Variants in CLIP2 observed in about 807,000 individuals in gnomAD.
CLIP2 encodes the protein CAP-Gly domain containing linker protein 2.
CLIP2 carries 41 observed loss-of-function variants against 111.7 expected under a neutral mutation model. The observed-to-expected ratio is 0.37, with a 90% CI of 0.29 to 0.48. CLIP2 has a LOEUF of 0.48. CLIP2 is among the 20% of genes least tolerant of loss of function. The probability of loss-of-function intolerance (pLI) is 0.99; values close to 1 mark genes in which losing one functional copy is unlikely to be tolerated. For missense variants in CLIP2, 1,160 were observed against 1,422.1 expected (o/e 0.82, Z 2.96); for synonymous variants, 660 against 644.2 (o/e 1.02, Z -0.37).
intron 8 of CLIP2, among the ~76,000 whole-genome samples, chr7:74,367,950 T>C (rs782809597): frequency 3.9e-5 from 6 of 152,046 alleles, no homozygotes; most frequent in Non-Finnish European, 7.4e-5. Context: ...TGGTGGCACA[T>C]GCTTGTAATC....
chr7:74,388,063 C>T (rs1045483197), intron 12 of CLIP2, among the ~76,000 whole-genome samples: 8 of 152,000 alleles, frequency 5.3e-5, no homozygotes, highest in Non-Finnish European at 1.5e-5. Context: ...GGCATGGTGG[C>T]TCATGCCTGT....
At chr7:74,301,704 T>G (rs1487323661) in intron 1 of CLIP2, among the ~76,000 whole-genome samples, 1 of 102,060 alleles carries the variant, frequency 9.8e-6, no homozygotes, top group Non-Finnish European at 2.6e-5. Flanking sequence ...GTTTTTTGTT[T>G]GTTTGTTTTG....
chr7:74,385,122 CAAAAAAA>C (rs71094780), intron 11 of CLIP2, among the ~76,000 whole-genome samples: 29 of 51,604 alleles, frequency 5.6e-4, no homozygotes, highest in East Asian at 1.4e-3. Context: ...ATTAAAAATA[CAAAAAAA>C]AAAAAAAAAA....
intron 3 of CLIP2, among the ~76,000 whole-genome samples, chr7:74,345,911 T>C (rs1450114694): frequency 1.3e-5 from 2 of 152,144 alleles, no homozygotes; most frequent in African/African-American, 4.8e-5. Context: ...ATAAACATGG[T>C]AAATAAACAT....
rs575557407 is a variant in CLIP2 at position 74,362,016 on chromosome 7, G to T, written c.1319+1738G>T. Among the ~76,000 whole-genome samples, 4 of 151,598 alleles carry T rather than the reference G, an allele frequency of 2.6e-5. No individual in the cohort carries two copies. In the South Asian group the frequency reaches 8.3e-4, roughly 32 times the overall value. On this transcript the variant is annotated intron_variant, in intron 7 of 16. Coordinates refer to ENST00000223398, the MANE Select transcript of CLIP2 (RefSeq NM_003388.5). ...CTCGGGAGGCTGAGGCAGGAGAATC[G>T]CTTGAACCCAGGAGGTGGAGGTTGC...
intron 1 of CLIP2, among the ~76,000 whole-genome samples, chr7:74,297,801 C>T (rs1304054876): frequency 2.6e-5 from 4 of 151,026 alleles, no homozygotes; most frequent in Non-Finnish European, 3.0e-5. Flanking sequence ...ACGAGAGTAG[C>T]GGAGGAGGGC....
At chr7:74,352,634 G>A (rs549725107) in intron 3 of CLIP2, among the ~76,000 whole-genome samples, 18 of 151,428 alleles carry the variant, frequency 1.2e-4, no homozygotes, top group African/African-American at 3.9e-4. Context: ...TTAGCTGGGC[G>A]TGGTGGCGCG....
intron 1 of CLIP2, among the ~76,000 whole-genome samples, chr7:74,305,427 A>G (rs1350696244): frequency 6.6e-6 from 1 of 152,002 alleles, no homozygotes. Context: ...TCTCTGCTGC[A>G]GCCCCTACCT....
rs185137381 is a variant in CLIP2, at chr7:74,352,229, G to C, written c.679-1651G>C. Among the ~76,000 whole-genome samples, 311 of 152,208 alleles carry C rather than the reference G, an allele frequency of 2.0e-3. 1 individual carries two copies. Among genetic ancestry groups the C allele is most frequent in the Non-Finnish European group, 3.4e-3 (232 of 68,006 alleles). On this transcript the variant is annotated intron_variant, in intron 3 of 16. Transcript: ENST00000223398. Reference sequence around the variant, plus strand: ...GCAGGTGAATCACTTGAGGTCAGGAGTTCGAGACCAGCCTGGCCAACATGG... The same window carrying C: ...GCAGGTGAATCACTTGAGGTCAGGACTTCGAGACCAGCCTGGCCAACATGG...
chr7:74,308,985 A>T (rs562561651), intron 1 of CLIP2, among the ~76,000 whole-genome samples: 2 of 152,084 alleles, frequency 1.3e-5, no homozygotes, highest in Non-Finnish European at 2.9e-5. Context: ...CTCTCACCTT[A>T]GCCTCCCCAG....
intron 2 of CLIP2, among the ~76,000 whole-genome samples, chr7:74,334,837 A>AT (rs1789403748): frequency 6.7e-6 from 1 of 149,984 alleles, no homozygotes; most frequent in Non-Finnish European, 1.5e-5. Context: ...AAAAAAAAAA[A>AT]AATAGCCTGG....
chr7:74,347,836 C>T (rs1789847116), intron 3 of CLIP2, among the ~76,000 whole-genome samples: 1 of 152,122 alleles, frequency 6.6e-6, no homozygotes, highest in South Asian at 2.1e-4. Flanking sequence ...TAAGAAACTG[C>T]ACAGAAGTGT....
chr7:74,351,082 AG>A (rs59697449), intron 3 of CLIP2, among the ~76,000 whole-genome samples: 89,087 of 146,484 alleles, frequency 0.61, 28,796 homozygotes, highest in Middle Eastern at 0.73. Context: ...AAAGAAAGAA[AG>A]AAAAAGAAGG....
At chr7:74,299,421 T>C (rs1788261631) in intron 1 of CLIP2, among the ~76,000 whole-genome samples, 1 of 152,206 alleles carries the variant, frequency 6.6e-6, no homozygotes, top group Non-Finnish European at 1.5e-5. Context: ...GCCACCAAGT[T>C]CTGTTCCTCC....
At chr7:74,354,333 G>C (rs752876518) in intron 4 of CLIP2, among the ~76,000 whole-genome samples, 1 of 152,140 alleles carries the variant, frequency 6.6e-6, no homozygotes. Flanking sequence ...GGAGAGGGAG[G>C]CTGCGTGCAG....
At chr7:74,329,205 C>T (rs1480429515) in intron 2 of CLIP2, among the ~76,000 whole-genome samples, 1 of 150,218 alleles carries the variant, frequency 6.7e-6, no homozygotes, top group African/African-American at 2.4e-5. Context: ...GGATTACAGG[C>T]GTGAGCCACC....
Position 74,380,882 on chromosome 7 carries a change from G to A in CLIP2, c.2479+19G>A, listed in dbSNP as rs200515656. 2.6e-4 allele frequency: 427 copies of A among 1,612,752 alleles called. 2 individuals carry two copies. The African/African-American group carries it at 5.2e-3, about 19-fold the overall frequency. ...GTGGAGGGTGAGTGGCCACCAGGCC[G>A]GGCGGGACTCTGGGCTCTGGGAAGA... On this transcript the variant is annotated intron_variant, in intron 11 of 16. Transcript: ENST00000223398.
intron 3 of CLIP2, among the ~76,000 whole-genome samples, chr7:74,340,439 G>T (rs1789626851): frequency 6.6e-6 from 1 of 152,118 alleles, no homozygotes; most frequent in Admixed American, 6.6e-5. Context: ...ATAACCCCTT[G>T]CCCAGGGCCA....
At chr7:74,291,832 C>T (rs1327347327) in intron 1 of CLIP2, among the ~76,000 whole-genome samples, 1 of 152,168 alleles carries the variant, frequency 6.6e-6, no homozygotes, top group Non-Finnish European at 1.5e-5. Flanking sequence ...TGTCCCTGCT[C>T]CCCACCTGGC....
Sources: gnomAD v4.1 joint callset for allele counts (sites outside exome capture counted in the v4.1 genomes callset) on GRCh38, gnomAD v4.1.1 for gene constraint, MANE v1.5 for transcripts, NCBI Gene and HGNC (gene_info 2026-07-23, HGNC 2026-07-21) for gene names.